The following PLEKHA7 variants were observed in gnomAD, a reference collection of about 807,000 sequenced individuals.
PLEKHA7 encodes pleckstrin homology domain containing A7.
PLEKHA7 carries 104 observed loss-of-function variants against 170.0 expected under a neutral mutation model. The ratio of observed to expected loss-of-function variants is 0.61; its 90% CI spans 0.52 to 0.72. PLEKHA7 has a LOEUF of 0.72. Ranked by LOEUF, PLEKHA7 falls within the 30% of genes least tolerant of loss-of-function variation. The pLI, the probability that PLEKHA7 is intolerant of heterozygous loss-of-function variation, is 0.00. For synonymous variants in PLEKHA7, 648 were observed against 660.8 expected (o/e 0.98, Z 0.30); for missense variants, 1,615 against 1,671.7 (o/e 0.97, Z 0.59).
At chr11:16,932,002 C>T (rs1859973802) in intron 3 of PLEKHA7, among the ~76,000 whole-genome samples, 1 of 152,142 alleles carries the variant, frequency 6.6e-6, no homozygotes. Context: ...TCATCTTGTA[C>T]TCATAAGCCA....
intron 10 of PLEKHA7, 101 bp downstream of exon 10, chr11:16,826,019 G>GT: frequency 8.1e-7 from 1 of 1,228,962 alleles, no homozygotes; most frequent in Admixed American, 2.0e-5. Context: ...GCAGTAAAGA[G>GT]TTTAAGGCTG....
chr11:16,944,177 T>C (rs533220518), intron 3 of PLEKHA7, among the ~76,000 whole-genome samples: 71 of 152,040 alleles, frequency 4.7e-4, no homozygotes, highest in African/African-American at 1.6e-3. Flanking sequence ...AACATGGTGA[T>C]ACCCTGTCTC....
At chr11:16,820,571 G>C (rs1185140003) in intron 10 of PLEKHA7, among the ~76,000 whole-genome samples, 2 of 152,144 alleles carry the variant, frequency 1.3e-5, no homozygotes, top group Non-Finnish European at 2.9e-5. Flanking sequence ...GCAGAAACCA[G>C]GCTGGAGGCT....
chr11:16,827,273 G>C (rs143890391), intron 9 of PLEKHA7, among the ~76,000 whole-genome samples: 17 of 152,260 alleles, frequency 1.1e-4, no homozygotes, highest in African/African-American at 3.8e-4. Context: ...ATCTTATCAG[G>C]GAACAGTTCA....
intron 3 of PLEKHA7, among the ~76,000 whole-genome samples, chr11:16,902,395 T>TAATTCATGACTCATATGGTAAC (rs1857398388): frequency 6.6e-6 from 1 of 152,232 alleles, no homozygotes; most frequent in Admixed American, 6.5e-5. Flanking sequence ...TAACTTTACG[T>TAATTCATGACTCATATGGTAAC]TTAACCTTTT....
At chr11:17,008,599 G>A (rs1399895699) in intron 3 of PLEKHA7, among the ~76,000 whole-genome samples, 1 of 152,088 alleles carries the variant, frequency 6.6e-6, no homozygotes, top group Non-Finnish European at 1.5e-5. Flanking sequence ...AAACTCATTG[G>A]GTCTCTTTAA....
Position 16,789,932 on chromosome 11 carries a change from T to C in PLEKHA7, c.3053-54A>G. 1 of 1,442,824 alleles carries C rather than the reference T, an allele frequency of 6.9e-7. No homozygotes were observed. Among genetic ancestry groups the C allele is most frequent in the South Asian group, 1.2e-5 (1 of 86,734 alleles). 89.4% of individuals were successfully genotyped at this position (1,442,824 alleles called of 1,614,324 possible). A position where few individuals can be genotyped will look rare whatever the true frequency, so the allele number is the denominator to read the frequency against. On this transcript the variant is annotated intron_variant, in intron 21 of 26. Transcript: ENST00000531066. This position sits in a 1 kb window ranked among gnomAD's most constrained non-coding sequence, Gnocchi z 4.6. ...GTTTGTGCTGGGGTGGATGGGTCCC[T>C]GCTTCTCCCTCATCACACATTCTTG...
At chr11:16,897,903 G>A (rs1457521052) in intron 3 of PLEKHA7, among the ~76,000 whole-genome samples, 1 of 152,146 alleles carries the variant, frequency 6.6e-6, no homozygotes, top group African/African-American at 2.4e-5. Context: ...GCTCATTTCA[G>A]GGCTCTGGGT....
At chr11:16,976,417 C>G (rs1863068282) in intron 3 of PLEKHA7, among the ~76,000 whole-genome samples, 1 of 152,200 alleles carries the variant, frequency 6.6e-6, no homozygotes, top group African/African-American at 2.4e-5. Context: ...TCCAGCACCC[C>G]TCTTCCCTCA....
intron 4 of PLEKHA7, among the ~76,000 whole-genome samples, chr11:16,862,824 T>C (rs1336216384): frequency 1.3e-5 from 2 of 152,160 alleles, no homozygotes; most frequent in African/African-American, 4.8e-5. Flanking sequence ...AACTGAACAG[T>C]CAAGTTTCTG....
At chr11:16,990,286 A>C (rs11024106) in intron 3 of PLEKHA7, among the ~76,000 whole-genome samples, 1 of 108,218 alleles carries the variant, frequency 9.2e-6, no homozygotes, top group African/African-American at 3.8e-5. Context: ...AAAAAAAAAA[A>C]AAAAAAAAAA....
chr11:16,965,430 T>A (rs1350936677), intron 3 of PLEKHA7, among the ~76,000 whole-genome samples: 1 of 152,170 alleles, frequency 6.6e-6, no homozygotes, highest in African/African-American at 2.4e-5. Context: ...GAGAAAGATA[T>A]CTGGGGGAAA....
intron 3 of PLEKHA7, among the ~76,000 whole-genome samples, chr11:16,884,578 T>C (rs1855937666): frequency 6.6e-6 from 1 of 151,952 alleles, no homozygotes; most frequent in South Asian, 2.1e-4. Context: ...GAGGTTGCAG[T>C]GAGCCGAGAT....
intron 3 of PLEKHA7, among the ~76,000 whole-genome samples, chr11:16,943,330 C>T (rs972897701): frequency 1.3e-5 from 2 of 151,934 alleles, no homozygotes; most frequent in African/African-American, 2.4e-5. Context: ...TTAACCCAGA[C>T]TAGCTGAATT....
intron 3 of PLEKHA7, among the ~76,000 whole-genome samples, chr11:16,990,887 G>A (rs1864004806): frequency 6.6e-6 from 1 of 152,174 alleles, no homozygotes; most frequent in African/African-American, 2.4e-5. Flanking sequence ...ATCTCCTCTG[G>A]CTACTGCCAG....
Position 16,778,539 on chromosome 11 carries a change from T to G in PLEKHA7, c.*459A>C. 1 of 184,104 alleles carries G rather than the reference T, an allele frequency of 5.4e-6. No individual in the cohort carries two copies. The highest frequency in any genetic ancestry group is 5.4e-5 in the Admixed American group (1 of 18,438). The allele number at this position is 184,104 out of a possible 1,614,324, so 11.4% of individuals were successfully genotyped here. ...CACGCCAACCAGCCTCTTGCTGGAG[T>G]CTACTGGGAACACCTCTTTAAATCT... On this transcript the variant is annotated 3_prime_UTR_variant, in exon 27 of 27. Coordinates refer to ENST00000531066, the MANE Select transcript of PLEKHA7 (RefSeq NM_001329630.2).
chr11:16,841,417 A>G lies in PLEKHA7; in HGVS notation c.872+130T>C, dbSNP rs547180760. 109 of 1,038,914 alleles carry G rather than the reference A, an allele frequency of 1.0e-4. No homozygotes were observed. The African/African-American group carries it at 1.6e-3, about 15-fold the overall frequency. The allele number at this position is 1,038,914 out of a possible 1,614,324, so 64.4% of individuals were successfully genotyped here. ...GCCTTAGTGTTTTTGTTTAATGAAGAAAGTTTATAAAGAGAGGGCAATGCT... is the reference window on the plus strand; with the variant it reads ...GCCTTAGTGTTTTTGTTTAATGAAGGAAGTTTATAAAGAGAGGGCAATGCT... On this transcript the variant is annotated intron_variant, in intron 9 of 26. Coordinates refer to ENST00000531066, the MANE Select transcript of PLEKHA7 (RefSeq NM_001329630.2).
intron 3 of PLEKHA7, among the ~76,000 whole-genome samples, chr11:16,879,155 T>C (rs1015583451): frequency 1.3e-5 from 2 of 152,198 alleles, no homozygotes; most frequent in Non-Finnish European, 2.9e-5. Context: ...AACCTACAAT[T>C]TGGTGACTGA....
intron 3 of PLEKHA7, among the ~76,000 whole-genome samples, chr11:16,879,901 C>T (rs1202192143): frequency 2.6e-5 from 4 of 152,272 alleles, no homozygotes; most frequent in South Asian, 2.1e-4. Flanking sequence ...TCACCAACAC[C>T]GCAAGACTGT....
Sources: gnomAD v4.1 joint callset for allele counts (sites outside exome capture counted in the v4.1 genomes callset) on GRCh38, gnomAD v4.1.1 for gene constraint, Gnocchi (gnomAD v3.1) non-coding constraint, MANE v1.5 for transcripts, NCBI Gene and HGNC (gene_info 2026-07-23, HGNC 2026-07-21) for gene names.